Variants in AP1G1 observed in about 807,000 individuals in gnomAD.
The protein encoded by AP1G1 is adaptor related protein complex 1 subunit gamma 1.
A neutral mutation model predicts 108.3 loss-of-function variants in AP1G1; 7 were observed. The ratio of observed to expected loss-of-function variants is 0.06; its 90% CI spans 0.04 to 0.12. The LOEUF (loss-of-function observed/expected upper bound fraction) is 0.12, where lower values mean the gene tolerates loss of function less well. Ranked by LOEUF, AP1G1 falls within the 10% of genes least tolerant of loss-of-function variation. The pLI, the probability that AP1G1 is intolerant of heterozygous loss-of-function variation, is 1.00. For missense variants in AP1G1, 756 were observed against 1,010.7 expected, an observed-to-expected ratio of 0.75 and a Z score of 3.42; for synonymous variants, 379 against 353.5, an observed-to-expected ratio of 1.07 and a Z score of -0.81.
intron 1 of AP1G1, among the ~76,000 whole-genome samples, chr16:71,796,735 C>A (rs1188974095): frequency 2.0e-5 from 3 of 152,168 alleles, no homozygotes; most frequent in African/African-American, 7.2e-5. Context: ...AAGTTCAATT[C>A]TCCCTAAATT....
intron 9 of AP1G1, among the ~76,000 whole-genome samples, chr16:71,762,686 C>A (rs2031144470): frequency 6.6e-6 from 1 of 152,202 alleles, no homozygotes; most frequent in Non-Finnish European, 1.5e-5. Context: ...AAGCTTCCAA[C>A]TCCTTCCCAC....
At chr16:71,768,965 T>A (rs1335183848) in intron 6 of AP1G1, among the ~76,000 whole-genome samples, 209 of 71,444 alleles carry the variant, frequency 2.9e-3, no homozygotes, top group South Asian at 7.1e-3. Context: ...TTCCTGCCTT[T>A]AAAAAAAAAA....
intron 21 of AP1G1, among the ~76,000 whole-genome samples, chr16:71,737,052 CACTGA>C (rs1202427404): frequency 9.2e-5 from 14 of 152,210 alleles, no homozygotes; most frequent in African/African-American, 3.4e-4. Context: ...ATATACTGAG[CACTGA>C]ACAGATGAAA....
At chr16:71,754,764 C>T (rs2030690776) in intron 12 of AP1G1, among the ~76,000 whole-genome samples, 1 of 151,992 alleles carries the variant, frequency 6.6e-6, no homozygotes, top group African/African-American at 2.4e-5. Context: ...TGGGCCACTG[C>T]CCTCCAGCCT....
chr16:71,746,073 G>T (rs536619498), intron 17 of AP1G1, among the ~76,000 whole-genome samples: 20 of 152,102 alleles, frequency 1.3e-4, no homozygotes, highest in African/African-American at 4.8e-4. Context: ...GCAGTGGCAT[G>T]ATCTTGGCTC....
At chr16:71,797,088 T>C (rs1409556027) in intron 1 of AP1G1, among the ~76,000 whole-genome samples, 1 of 151,330 alleles carries the variant, frequency 6.6e-6, no homozygotes, top group Admixed American at 6.6e-5. Context: ...TAAACAATGA[T>C]CGCTAAACAA....
At chr16:71,763,390 G>A (rs2031184745) in intron 9 of AP1G1, among the ~76,000 whole-genome samples, 1 of 152,126 alleles carries the variant, frequency 6.6e-6, no homozygotes, top group Non-Finnish European at 1.5e-5. Flanking sequence ...ATTGTTTAAT[G>A]GATACAGACT....
chr16:71,778,805 G>A (rs947663568), intron 2 of AP1G1, among the ~76,000 whole-genome samples: 18 of 151,978 alleles, frequency 1.2e-4, no homozygotes, highest in African/African-American at 4.4e-4. Context: ...CAAAAGGAGG[G>A]CATCCGTTTT....
chr16:71,764,511 C>T lies in AP1G1; in HGVS notation c.820-63G>A, dbSNP rs1225091894. The T allele has an allele frequency of 6.8e-6, 9 of 1,326,006 alleles. No individual in the cohort carries two copies. The Admixed American group carries it at 1.8e-4, about 26-fold the overall frequency. The allele number at this position is 1,326,006 out of a possible 1,614,324, so 82.1% of individuals were successfully genotyped here. A position where few individuals can be genotyped will look rare whatever the true frequency, so the allele number is the denominator to read the frequency against. ...AAACAATGCTCCCAAAACATATTCACAGGTAACAAGAGGCATTTTGTGATT... is the reference window on the plus strand; with the variant it reads ...AAACAATGCTCCCAAAACATATTCATAGGTAACAAGAGGCATTTTGTGATT... On this transcript the variant is annotated intron_variant, in intron 8 of 22. Coordinates refer to ENST00000299980, the MANE Select transcript of AP1G1 (RefSeq NM_001128.6).
At chr16:71,778,865 G>C (rs1263985856) in intron 2 of AP1G1, among the ~76,000 whole-genome samples, 2 of 152,092 alleles carry the variant, frequency 1.3e-5, no homozygotes, top group Non-Finnish European at 2.9e-5. Context: ...ACTGTTGCAT[G>C]AGTTAAAGAA....
At chr16:71,767,739 TG>T in intron 6 of AP1G1, 1 of 832,666 alleles carries the variant, frequency 1.2e-6, no homozygotes, top group Non-Finnish European at 1.9e-6. Flanking sequence ...TAGCCAAAGA[TG>T]GTAGAACAAT....
intron 1 of AP1G1, among the ~76,000 whole-genome samples, chr16:71,796,002 C>T (rs956201158): frequency 2.6e-5 from 4 of 152,096 alleles, no homozygotes; most frequent in African/African-American, 9.7e-5. Flanking sequence ...TTTGGGAGGC[C>T]GAGGCAGGTA....
At chr16:71,748,004 A>C (rs942210164) in intron 16 of AP1G1, among the ~76,000 whole-genome samples, 2 of 152,196 alleles carry the variant, frequency 1.3e-5, no homozygotes, top group African/African-American at 4.8e-5. Flanking sequence ...AAAACCCCCT[A>C]AACTTTTCTG....
intron 6 of AP1G1, chr16:71,766,482 T>G (rs758213024): frequency 2.2e-6 from 1 of 460,026 alleles, no homozygotes; most frequent in Admixed American, 2.4e-5. Context: ...AACAAAAGGT[T>G]TGCCACAATA....
chr16:71,741,881 T>C lies in AP1G1; in HGVS notation c.2000-2540A>G, dbSNP rs576113293. Among the ~76,000 whole-genome samples the C allele has an allele frequency of 2.6e-5, 4 of 152,330 alleles. No individual in the cohort carries two copies. The South Asian group carries it at 8.3e-4, about 32-fold the overall frequency. Reference sequence around the variant, plus strand: ...TCCCCAACTCCCTCAAATTTTCACTTTTCTTTGTCCTGTAAAAGTATAGCA... The same window carrying C: ...TCCCCAACTCCCTCAAATTTTCACTCTTCTTTGTCCTGTAAAAGTATAGCA... On this transcript the variant is annotated intron_variant, in intron 19 of 22. Transcript: ENST00000299980.
intron 2 of AP1G1, among the ~76,000 whole-genome samples, chr16:71,779,916 C>T (rs1188047285): frequency 6.6e-6 from 1 of 151,404 alleles, no homozygotes; most frequent in Non-Finnish European, 1.5e-5. Context: ...CCCAGGAGCT[C>T]GAGACAAGTC....
intron 2 of AP1G1, among the ~76,000 whole-genome samples, chr16:71,774,874 C>T (rs1008430332): frequency 6.6e-6 from 1 of 152,064 alleles, no homozygotes; most frequent in South Asian, 2.1e-4. Flanking sequence ...GAATTAGCCA[C>T]CATGCCTGGC....
At chr16:71,773,112 G>A (rs2031640496) in intron 4 of AP1G1, 109 bp downstream of exon 4, 6 of 1,226,328 alleles carry the variant, frequency 4.9e-6, no homozygotes, top group East Asian at 2.3e-5. Context: ...TTACTACACA[G>A]AAAAAATGAC....
At chr16:71,765,336 T>C (rs1248137821) in intron 7 of AP1G1, among the ~76,000 whole-genome samples, 153 bp downstream of exon 7, 1 of 152,242 alleles carries the variant, frequency 6.6e-6, no homozygotes, top group Non-Finnish European at 1.5e-5. Flanking sequence ...TGTATCCTCT[T>C]AATCTAATAT....
Sources: gnomAD v4.1 joint callset for allele counts (sites outside exome capture counted in the v4.1 genomes callset) on GRCh38, gnomAD v4.1.1 for gene constraint, MANE v1.5 for transcripts, NCBI Gene and HGNC (gene_info 2026-07-23, HGNC 2026-07-21) for gene names.